Variants in CYB5R3 observed in about 807,000 individuals in gnomAD.
CYB5R3 encodes the protein NADH-cytochrome b5 reductase 3.
A neutral mutation model predicts 36.5 loss-of-function variants in CYB5R3; 28 were observed. That is an observed-to-expected ratio of 0.77 (90% CI 0.57 to 1.05). CYB5R3 has a LOEUF of 1.05. CYB5R3 is among the 50% of genes least tolerant of loss of function. CYB5R3 has a pLI of 0.00. For missense variants in CYB5R3, 474 were observed against 408.9 expected, an observed-to-expected ratio of 1.16 and a Z score of -1.37; for synonymous variants, 181 against 159.8, an observed-to-expected ratio of 1.13 and a Z score of -1.00.
At position 42,619,964 on chromosome 22, in the gene CYB5R3, G is replaced by A. The variant is rs1377094143; in HGVS notation, c.734-19C>T. ...TCCCAGGCTGTGGGGTGAGAGACCA[G>A]GTAAGCTGACGTGTGGCTGTGTGGT... is the stretch of plus-strand genomic sequence containing the variant. On this transcript the variant is annotated intron_variant, in intron 8 of 8. Transcript: ENST00000352397. 2 of 1,583,394 alleles carry A rather than the reference G, an allele frequency of 1.3e-6. No individual in the cohort carries two copies. The highest frequency in any genetic ancestry group is 1.7e-6 in the Non-Finnish European group (2 of 1,163,996).
At chr22:42,621,219 T>TG (rs3046399) in intron 8 of CYB5R3, among the ~76,000 whole-genome samples, 102 of 149,348 alleles carry the variant, frequency 6.8e-4, no homozygotes, top group African/African-American at 1.4e-3. Flanking sequence ...TGTGTGTGTG[T>TG]TTTTAAGAGA....
intron 8 of CYB5R3, among the ~76,000 whole-genome samples, chr22:42,622,989 A>G (rs772201439): frequency 1.2e-4 from 18 of 152,226 alleles, no homozygotes; most frequent in Non-Finnish European, 1.9e-4. Flanking sequence ...TATACTCCAC[A>G]GCGGGATTGC....
chr22:42,646,243 C>T (rs1366105470), intron 1 of CYB5R3, among the ~76,000 whole-genome samples: 1 of 152,170 alleles, frequency 6.6e-6, no homozygotes, highest in Non-Finnish European at 1.5e-5. Context: ...ACCACCTCAC[C>T]CCAGCCACCT....
At chr22:42,627,476 G>A in intron 6 of CYB5R3, 87 bp from the exon 7 acceptor site, 2 of 1,491,500 alleles carry the variant, frequency 1.3e-6, no homozygotes, top group Non-Finnish European at 1.9e-6. Flanking sequence ...GGGTGGAGGG[G>A]CCAGGACCAC....
At chr22:42,623,091 C>T (rs1001871777) in intron 8 of CYB5R3, among the ~76,000 whole-genome samples, 1 of 152,214 alleles carries the variant, frequency 6.6e-6, no homozygotes, top group African/African-American at 2.4e-5. Context: ...AGCCCTGAAG[C>T]TAAACATCAC....
At chr22:42,623,958 A>G in intron 7 of CYB5R3, 70 bp from the exon 8 acceptor site, 1 of 1,392,442 alleles carries the variant, frequency 7.2e-7, no homozygotes, top group Non-Finnish European at 1.0e-6. Context: ...CTCAACAGAG[A>G]CGCGCCTCGT....
intron 8 of CYB5R3, among the ~76,000 whole-genome samples, chr22:42,622,980 A>G (rs990319534): frequency 6.6e-6 from 1 of 152,208 alleles, no homozygotes; most frequent in Admixed American, 6.5e-5. Flanking sequence ...ACACAGGGCT[A>G]TACTCCACAG....
chr22:42,628,968 C>A (rs2146879687), intron 4 of CYB5R3, among the ~76,000 whole-genome samples: 1 of 152,120 alleles, frequency 6.6e-6, no homozygotes, highest in East Asian at 1.9e-4. Flanking sequence ...GAGTGGAGGG[C>A]CACGGACAGG....
chr22:42,645,523 G>C (rs568227323), intron 1 of CYB5R3, among the ~76,000 whole-genome samples: 1 of 152,168 alleles, frequency 6.6e-6, no homozygotes, highest in African/African-American at 2.4e-5. Context: ...AGCTCCCGTG[G>C]CTGAGCTGGG....
At chr22:42,623,349 C>T (rs921221060) in intron 8 of CYB5R3, among the ~76,000 whole-genome samples, 38 of 152,194 alleles carry the variant, frequency 2.5e-4, no homozygotes, top group Non-Finnish European at 5.0e-4. Context: ...ACCCCAACGT[C>T]GGCCCAGCCC....
chr22:42,636,029 AC>A (rs974640978), intron 2 of CYB5R3, among the ~76,000 whole-genome samples: 51 of 152,312 alleles, frequency 3.3e-4, no homozygotes, highest in African/African-American at 1.2e-3. Flanking sequence ...AGCCTGGGCA[AC>A]AGGACGAAAC....
chr22:42,631,722 C>G, intron 2 of CYB5R3: 2 of 547,114 alleles, frequency 3.7e-6, no homozygotes, highest in Non-Finnish European at 6.6e-6. Flanking sequence ...GGGAATGAAC[C>G]CAGGGTCCCA....
chr22:42,621,511 C>T (rs965136343), intron 8 of CYB5R3, among the ~76,000 whole-genome samples: 12 of 152,220 alleles, frequency 7.9e-5, no homozygotes, highest in Admixed American at 3.9e-4. Flanking sequence ...GGCCTGTTAC[C>T]ACTTTCTTTC....
At chr22:42,646,041 C>T (rs1294005846) in intron 1 of CYB5R3, among the ~76,000 whole-genome samples, 1 of 152,188 alleles carries the variant, frequency 6.6e-6, no homozygotes, top group South Asian at 2.1e-4. Flanking sequence ...CAGACTCACA[C>T]GGTGGGGTGC....
chr22:42,647,020 A>G lies in CYB5R3; in HGVS notation c.21+2275T>C, dbSNP rs751681909. 22 of 978,386 alleles carry G rather than the reference A, an allele frequency of 2.2e-5. No homozygotes were observed. In the Middle Eastern group the frequency reaches 1.6e-3, roughly 70 times the overall value. 60.6% of individuals were successfully genotyped at this position (978,386 alleles called of 1,614,324 possible). A position where few individuals can be genotyped will look rare whatever the true frequency, so the allele number is the denominator to read the frequency against. On this transcript the variant is annotated intron_variant, in intron 1 of 8. Transcript: ENST00000352397. ...ACTCCAGGGCCAACCCCTGGCCTGGATCCCACAAAGTGTTGGGAGAGGCCT... is the reference window on the plus strand; with the variant it reads ...ACTCCAGGGCCAACCCCTGGCCTGGGTCCCACAAAGTGTTGGGAGAGGCCT...
At position 42,631,338 on chromosome 22, in the gene CYB5R3, C is replaced by T; in HGVS notation, c.226+40G>A. 2.6e-6 allele frequency: 4 copies of T among 1,534,432 alleles called. No homozygotes were observed. The South Asian group carries it at 4.8e-5, about 18-fold the overall frequency. On this transcript the variant is annotated intron_variant, in intron 3 of 8. Coordinates refer to ENST00000352397, the MANE Select transcript of CYB5R3 (RefSeq NM_000398.7). The stretch of plus-strand genomic sequence containing the variant: ...CTCTCTGATCTAGTGCCCCAGCAGC[C>T]TGCCGGGCTCCGAATGGGCCCAGCA...
intron 6 of CYB5R3, 71 bp from the exon 7 acceptor site, chr22:42,627,460 G>A (rs776126764): frequency 6.5e-7 from 1 of 1,531,164 alleles, no homozygotes; most frequent in Non-Finnish European, 9.0e-7. Context: ...CCGCCCAGGT[G>A]TACTGGGGTG....
intron 8 of CYB5R3, among the ~76,000 whole-genome samples, chr22:42,621,635 AC>A (rs1927976747): frequency 1.3e-5 from 2 of 152,248 alleles, no homozygotes; most frequent in Non-Finnish European, 2.9e-5. Flanking sequence ...AGATCACCCA[AC>A]TATTCCTCTC....
chr22:42,631,554 C>A (rs1928622707), intron 2 of CYB5R3, 104 bp from the exon 3 acceptor site: 1 of 1,005,100 alleles, frequency 9.9e-7, no homozygotes, highest in Non-Finnish European at 1.5e-6. Flanking sequence ...TGTGTCCCCA[C>A]CCTTCCCCAG....
Sources: allele counts gnomAD v4.1 joint callset (sites outside exome capture counted in the v4.1 genomes callset), GRCh38; gene constraint gnomAD v4.1.1; transcripts MANE v1.5; gene names NCBI Gene and HGNC (gene_info 2026-07-23, HGNC 2026-07-21).